Variants in BTD observed in about 807,000 individuals in gnomAD.
BTD encodes the protein biocytinase.
Under a neutral mutation model 17.7 loss-of-function variants are expected in BTD, and 13 were observed. The ratio of observed to expected loss-of-function variants is 0.74; its 90% CI spans 0.48 to 1.17. BTD has a LOEUF of 1.17. Among genes scored for constraint, BTD ranks in the 50% most tolerant of loss-of-function variants. The probability of loss-of-function intolerance (pLI) is 0.00; values close to 1 mark genes in which losing one functional copy is unlikely to be tolerated. For missense variants in BTD, 674 were observed against 650.4 expected, an observed-to-expected ratio of 1.04 and a Z score of -0.39; for synonymous variants, 240 against 245.2, an observed-to-expected ratio of 0.98 and a Z score of 0.20.
intron 1 of BTD, 121 bp downstream of exon 1, chr3:15,602,015 G>A (rs1023963677): frequency 2.0e-6 from 3 of 1,511,394 alleles, no homozygotes; most frequent in East Asian, 2.3e-5. Flanking sequence ...GAGCTGGGAA[G>A]CCCGGCGCGC....
At chr3:15,666,007 G>C (rs9881927) in intron 3 of BTD, among the ~76,000 whole-genome samples, 6,282 of 152,180 alleles carry the variant, frequency 0.041, 423 homozygotes, top group African/African-American at 0.14. Context: ...CTTAGATTTG[G>C]GGTGGTTAGG....
intron 3 of BTD, chr3:15,676,583 T>G (rs1290725537): frequency 6.0e-6 from 1 of 166,600 alleles, no homozygotes; most frequent in African/African-American, 2.4e-5. Flanking sequence ...TTATTAAAAA[T>G]TTTGATTCTT....
At chr3:15,721,731 A>G (rs1018288343) in intron 4 of BTD, among the ~76,000 whole-genome samples, 2 of 152,148 alleles carry the variant, frequency 1.3e-5, no homozygotes, top group Non-Finnish European at 1.5e-5. Context: ...GAAACAATTC[A>G]TGTAATTAAG....
chr3:15,672,674 C>T (rs893251099), intron 3 of BTD, among the ~76,000 whole-genome samples: 17 of 152,358 alleles, frequency 1.1e-4, no homozygotes, highest in African/African-American at 4.1e-4. Flanking sequence ...CAACCCATTA[C>T]ATAGGCCAGG....
Position 15,674,174 on chromosome 3 carries a change from CAAAAA to C in BTD, c.399+32137_399+32141del, listed in dbSNP as rs34806568. On this transcript the variant is annotated intron_variant, in intron 3 of 3. Transcript: ENST00000672141. ...GCAACAGAGTGAGACCCTGCCTCTT[CAAAAA>C]AAAAAAAAAAAAAAAAAAAGAAGAA... 2.0e-4 allele frequency among the ~76,000 whole-genome samples: 8 copies of C among 40,286 alleles called. 1 individual carries two copies. Among genetic ancestry groups the C allele is most frequent in the Admixed American group, 1.8e-3 (4 of 2,254 alleles). The allele number at this position is 40,286 out of a possible 152,430, so 26.4% of individuals were successfully genotyped here.
rs187836041 is a variant in BTD at position 15,706,723 on chromosome 3, C to T, written c.400-3337C>T. 3.3e-4 allele frequency among the ~76,000 whole-genome samples: 51 copies of T among 152,284 alleles called. 1 individual carries two copies. In the East Asian group the frequency reaches 8.7e-3, roughly 26 times the overall value. ...TCCCACCAACAGTATAAAAGTGTTCCTATTTCTCCACATCCTCTCCAGCAC... is the reference window on the plus strand; with the variant it reads ...TCCCACCAACAGTATAAAAGTGTTCTTATTTCTCCACATCCTCTCCAGCAC... On this transcript the variant is annotated intron_variant, in intron 3 of 3. Transcript: ENST00000672141.
chr3:15,631,619 C>A, intron 1 of BTD: 1 of 842,456 alleles, frequency 1.2e-6, no homozygotes, highest in Non-Finnish European at 1.9e-6. Context: ...CCTTCCTGAT[C>A]AGGACTGGTG....
At position 15,710,446 on chromosome 3, in the gene BTD, C is replaced by T. The variant is rs140957319; in HGVS notation, c.*372C>T. Among the ~76,000 whole-genome samples, 618 of 152,240 alleles carry T rather than the reference C, an allele frequency of 4.1e-3. 2 individuals are homozygous for T. The highest frequency in any genetic ancestry group is 0.023 in the East Asian group (118 of 5,186). The stretch of plus-strand genomic sequence containing the variant: ...TTTAACTGGAAGGTTCTCTGGCGAC[C>T]TTGGAAGAACAAGAAAACCAGTCAC... On this transcript the variant is annotated 3_prime_UTR_variant, in exon 4 of 4. Coordinates refer to the BTD transcript ENST00000672141.
chr3:15,606,465 A>G (rs577341422), intron 1 of BTD: 1 of 152,376 alleles, frequency 6.6e-6, no homozygotes, highest in East Asian at 1.9e-4. Flanking sequence ...TGACATTGAC[A>G]GAACAAGCTG....
At chr3:15,672,168 C>T (rs1440526149) in intron 3 of BTD, among the ~76,000 whole-genome samples, 1 of 140,864 alleles carries the variant, frequency 7.1e-6, no homozygotes, top group Non-Finnish European at 1.5e-5. Flanking sequence ...TTTTTTGAGA[C>T]AGGGTCTTGT....
At chr3:15,681,879 A>G (rs1159161905) in intron 3 of BTD, among the ~76,000 whole-genome samples, 1 of 152,202 alleles carries the variant, frequency 6.6e-6, no homozygotes, top group African/African-American at 2.4e-5. Context: ...CTTGCAATGC[A>G]CTGGAGAGTC....
rs958472228 is a variant in BTD, at chr3:15,635,849, C to G, written c.249+161C>G. On this transcript the variant is annotated intron_variant, in intron 2 of 3. Transcript: ENST00000643237. This position sits in a 1 kb window ranked among gnomAD's most constrained non-coding sequence, Gnocchi z 4.1. ...TAGTCAGTTGAATTAGGAGCCTTAC[C>G]CCTCAGAGAGTGGTCCGTGGACCGG... 1.3e-5 allele frequency among the ~76,000 whole-genome samples: 2 copies of G among 152,190 alleles called. No individual in the cohort carries two copies. Among genetic ancestry groups the G allele is most frequent in the East Asian group, 3.8e-4 (2 of 5,200 alleles).
intron 3 of BTD, among the ~76,000 whole-genome samples, chr3:15,682,908 C>T (rs1256013615): frequency 6.6e-6 from 1 of 152,174 alleles, no homozygotes; most frequent in Non-Finnish European, 1.5e-5. Flanking sequence ...TTGCTACAGG[C>T]TGAAAATCAG....
In BTD at chr3:15,652,326, C is replaced by CA. The variant is rs35033706; in HGVS notation, c.*6848dup. ...GGGCAACAGAGCGACACTCCGTCTCCAAAAAAAAAAGATACTGCAGCTTCT... is the reference window on the plus strand; with the variant it reads ...GGGCAACAGAGCGACACTCCGTCTCCAAAAAAAAAAAGATACTGCAGCTTCT... On this transcript the variant is annotated 3_prime_UTR_variant, in exon 4 of 4. Coordinates refer to ENST00000643237, the MANE Select transcript of BTD (RefSeq NM_001370658.1). Among the ~76,000 whole-genome samples, 327 of 148,342 alleles carry CA rather than the reference C, an allele frequency of 2.2e-3. 1 individual carries two copies. Among genetic ancestry groups the CA allele is most frequent in the South Asian group, 9.7e-3 (46 of 4,730 alleles).
chr3:15,686,495 T>C (rs2068145461), intron 3 of BTD: 3 of 599,890 alleles, frequency 5.0e-6, no homozygotes, highest in Non-Finnish European at 8.8e-6. Context: ...GGAATAAATG[T>C]GAATTCCTCA....
intron 1 of BTD, 129 bp downstream of exon 1, chr3:15,602,023 C>G: frequency 2.7e-6 from 4 of 1,500,150 alleles, no homozygotes; most frequent in African/African-American, 1.4e-5. Flanking sequence ...AAGCCCGGCG[C>G]GCGTCGTTTG....
chr3:15,695,801 C>G (rs962921597), intron 3 of BTD, among the ~76,000 whole-genome samples: 1 of 152,042 alleles, frequency 6.6e-6, no homozygotes, highest in African/African-American at 2.4e-5. Flanking sequence ...ATTCCTTTCA[C>G]AGGGACTTTT....
chr3:15,679,858 A>C (rs1220232066), intron 3 of BTD, among the ~76,000 whole-genome samples: 2 of 152,060 alleles, frequency 1.3e-5, no homozygotes. Context: ...GAAAAAAAAA[A>C]CAGAGCAGAC....
At chr3:15,612,106 T>C (rs2455820) in intron 1 of BTD, among the ~76,000 whole-genome samples, 38,469 of 152,078 alleles carry the variant, frequency 0.25, 5,015 homozygotes, top group African/African-American at 0.27. Flanking sequence ...GCCATTACTC[T>C]TTTCCTCACT....
Sources: allele counts gnomAD v4.1 joint callset (sites outside exome capture counted in the v4.1 genomes callset), GRCh38; gene constraint gnomAD v4.1.1; non-coding constraint Gnocchi (gnomAD v3.1); transcripts MANE v1.5; gene names NCBI Gene and HGNC (gene_info 2026-07-23, HGNC 2026-07-21).